Variants in PLXNC1 observed in about 807,000 individuals in gnomAD.
PLXNC1 encodes the protein plexin-C1.
PLXNC1 carries 75 observed loss-of-function variants against 178.2 expected under a neutral mutation model. That is an observed-to-expected ratio of 0.42 (90% CI 0.35 to 0.51). The LOEUF is 0.51. PLXNC1 is among the 20% of genes least tolerant of loss of function. The pLI is 0.02. For synonymous variants in PLXNC1, 790 were observed against 779.9 expected, an observed-to-expected ratio of 1.01 and a Z score of -0.22; for missense variants, 1,503 against 1,984.4, an observed-to-expected ratio of 0.76 and a Z score of 4.61.
chr12:94,209,608 T>C lies in PLXNC1; in HGVS notation c.1458T>C (p.Asp486=), dbSNP rs200232345. 4.3e-6 allele frequency: 7 copies of C among 1,611,426 alleles called. No individual in the cohort carries two copies. In the African/African-American group the frequency reaches 5.3e-5, roughly 12 times the overall value. The part of the protein sequence containing the change: ...HSLQRCTFQG[D]CVHSENLENW... ...TTTTTAGGTGCACTTTTCAAGGAGA[T>C]TGTGTACATTCAGAGAACTTAGAAA... Residue 486 remains aspartate, a synonymous_variant, in exon 5 of 31, where the codon GAT becomes GAC. Coordinates refer to ENST00000258526, the MANE Select transcript of PLXNC1 (RefSeq NM_005761.3).
At chr12:94,203,390 A>T (rs1026439589) in intron 4 of PLXNC1, among the ~76,000 whole-genome samples, 1 of 152,218 alleles carries the variant, frequency 6.6e-6, no homozygotes, top group Non-Finnish European at 1.5e-5. Flanking sequence ...ATTTTATTTA[A>T]CTAGTGTTTC....
intron 4 of PLXNC1, among the ~76,000 whole-genome samples, chr12:94,204,052 C>G (rs1005794846): frequency 2.6e-5 from 4 of 152,214 alleles, no homozygotes; most frequent in African/African-American, 7.2e-5. Flanking sequence ...AGATGCAGGC[C>G]CCTCGACCTT....
In PLXNC1 at chr12:94,304,033, C is replaced by T. The variant is rs143293787; in HGVS notation, c.4584C>T (p.Ile1528=). ...CCTTGACAGAAATTTACAAATACAT[C>T]GTAAAATATTTTGATGAGGTAAGAT... is the stretch of plus-strand genomic sequence containing the variant. ...EVALTEIYKY[I]VKYFDEILNK... Residue 1528 remains isoleucine, a synonymous_variant, in exon 30 of 31, where the codon ATC becomes ATT. Coordinates refer to ENST00000258526, the MANE Select transcript of PLXNC1 (RefSeq NM_005761.3). 4.3e-5 allele frequency: 67 copies of T among 1,558,102 alleles called. No homozygotes were observed. In the African/African-American group the frequency reaches 6.1e-4, roughly 14 times the overall value.
chr12:94,159,106 A>G (rs921864146), intron 1 of PLXNC1, among the ~76,000 whole-genome samples: 2 of 152,210 alleles, frequency 1.3e-5, no homozygotes, highest in Non-Finnish European at 2.9e-5. Flanking sequence ...AGCTCCTATT[A>G]TGTGCCAAGC....
intron 20 of PLXNC1, among the ~76,000 whole-genome samples, chr12:94,263,853 TG>T: frequency 6.6e-6 from 1 of 151,920 alleles, no homozygotes; most frequent in East Asian, 1.9e-4. Flanking sequence ...GCCCGGGGAC[TG>T]GGGAGGGCAG....
chr12:94,265,348 GT>G, intron 21 of PLXNC1, 123 bp downstream of exon 21: 3 of 811,798 alleles, frequency 3.7e-6, no homozygotes, highest in Non-Finnish European at 3.9e-6. Flanking sequence ...TGTGTGTTTA[GT>G]TAATTAAAAA....
rs548152215 is a variant in PLXNC1, at chr12:94,274,732, A to T, written c.3598-4740A>T. Among the ~76,000 whole-genome samples the T allele has an allele frequency of 3.9e-5, 6 of 152,316 alleles. No individual in the cohort carries two copies. The East Asian group carries it at 9.6e-4, about 24-fold the overall frequency. ...ACATTCTTGTACTTCCAAAGGCAGGATCACCGAGTGTTTAAGAACACGGAG... is the reference window on the plus strand; with the variant it reads ...ACATTCTTGTACTTCCAAAGGCAGGTTCACCGAGTGTTTAAGAACACGGAG... On this transcript the variant is annotated intron_variant, in intron 21 of 30. Transcript: ENST00000258526.
intron 3 of PLXNC1, among the ~76,000 whole-genome samples, chr12:94,183,308 A>G (rs928856669): frequency 2.0e-5 from 3 of 152,232 alleles, no homozygotes; most frequent in Non-Finnish European, 4.4e-5. Flanking sequence ...AAATGACCAC[A>G]CTGAGATGGC....
At chr12:94,155,187 T>G (rs1961122387) in intron 1 of PLXNC1, among the ~76,000 whole-genome samples, 1 of 152,134 alleles carries the variant, frequency 6.6e-6, no homozygotes, top group African/African-American at 2.4e-5. Flanking sequence ...CCTAGCATGG[T>G]TGGAACTTCT....
chr12:94,251,295 G>A, intron 14 of PLXNC1, 131 bp from the exon 15 acceptor site: 1 of 631,948 alleles, frequency 1.6e-6, no homozygotes, highest in Non-Finnish European at 2.9e-6. Flanking sequence ...ACAGAAATGA[G>A]AGTTGAACTC....
At chr12:94,238,456 G>A (rs1476389952) in intron 10 of PLXNC1, among the ~76,000 whole-genome samples, 3 of 149,912 alleles carry the variant, frequency 2.0e-5, no homozygotes, top group East Asian at 1.9e-4. Context: ...AATTTCTACC[G>A]ATGTCCTTGT....
intron 2 of PLXNC1, among the ~76,000 whole-genome samples, chr12:94,171,192 T>A (rs149250183): frequency 6.6e-6 from 1 of 152,228 alleles, no homozygotes; most frequent in South Asian, 2.1e-4. Context: ...TTTAGCGATG[T>A]TGTGGCAACC....
chr12:94,237,922 C>A, intron 10 of PLXNC1, 119 bp downstream of exon 10: 1 of 912,330 alleles, frequency 1.1e-6, no homozygotes, highest in Non-Finnish European at 1.6e-6. Context: ...CCAAAGCAGG[C>A]CAATTAGTCA....
chr12:94,262,563 G>C (rs188384065), intron 20 of PLXNC1: 1 of 985,324 alleles, frequency 1.0e-6, no homozygotes, highest in African/African-American at 1.7e-5. Flanking sequence ...TGAGTGGTGA[G>C]GGGGCGGCTC....
At chr12:94,289,899 C>G (rs1592958231) in intron 23 of PLXNC1, among the ~76,000 whole-genome samples, 1 of 152,202 alleles carries the variant, frequency 6.6e-6, no homozygotes, top group Non-Finnish European at 1.5e-5. Flanking sequence ...TACACTTGCT[C>G]TTGGGAGATA....
chr12:94,282,306 A>ATGGGCACACGACAGAAAGAACTTC lies in PLXNC1; in HGVS notation c.3788_3811dup (p.Gly1263_Leu1270dup). On this transcript the variant is annotated inframe_insertion, in exon 23 of 31. Transcript: ENST00000258526. ...AAAATGCTCTTTTTCAGAGCTTCAA[A>ATGGGCACACGACAGAAAGAACTTC]TGGGCACACGACAGAAAGAACTTCT... The ATGGGCACACGACAGAAAGAACTTC allele has an allele frequency of 1.2e-6, 2 of 1,612,264 alleles. No individual in the cohort carries two copies.
intron 20 of PLXNC1, among the ~76,000 whole-genome samples, chr12:94,264,170 T>A (rs1965101738): frequency 6.6e-6 from 1 of 152,092 alleles, no homozygotes; most frequent in African/African-American, 2.4e-5. Flanking sequence ...ACTCTACAGC[T>A]GACCCAGGGC....
chr12:94,233,223 G>A (rs7959399), intron 9 of PLXNC1, among the ~76,000 whole-genome samples: 11,193 of 152,266 alleles, frequency 0.074, 600 homozygotes, highest in African/African-American at 0.14. Flanking sequence ...CTCCAAGACA[G>A]GGAGAGCAGA....
intron 9 of PLXNC1, 73 bp from the exon 10 acceptor site, chr12:94,237,591 T>C: frequency 7.4e-7 from 1 of 1,355,272 alleles, no homozygotes; most frequent in Non-Finnish European, 1.0e-6. Flanking sequence ...AACTGCAGCG[T>C]ATAAACAGAT....
Sources: allele counts gnomAD v4.1 joint callset (sites outside exome capture counted in the v4.1 genomes callset), GRCh38; gene constraint gnomAD v4.1.1; transcripts MANE v1.5; gene names NCBI Gene and HGNC (gene_info 2026-07-23, HGNC 2026-07-21).